Variants in DMD observed in about 807,000 individuals in gnomAD.
DMD encodes mutant dystrophin.
In DMD, 63 loss-of-function variants were observed where a neutral mutation model predicts 330.1. The observed-to-expected ratio is 0.19, with a 90% CI of 0.16 to 0.24. The LOEUF is 0.24. DMD is among the 10% of genes least tolerant of loss of function. The pLI is 1.00. For synonymous variants in DMD, 1,223 were observed against 959.8 expected, an observed-to-expected ratio of 1.27 and a Z score of -5.07; for missense variants, 3,344 against 2,684.1, an observed-to-expected ratio of 1.25 and a Z score of -5.43.
intron 11 of DMD, among the ~76,000 whole-genome samples, chrX:32,638,463 A>G (rs1267727478): frequency 2.7e-5 from 3 of 112,097 alleles, no homozygotes; most frequent in Non-Finnish European, 3.8e-5. Flanking sequence ...ATCACCTGGG[A>G]TATTGCTAAA....
intron 1 of DMD, among the ~76,000 whole-genome samples, chrX:33,184,438 A>G (rs1042298911): frequency 2.7e-5 from 3 of 111,256 alleles, no homozygotes; most frequent in African/African-American, 9.8e-5. Flanking sequence ...ATTAATAGGG[A>G]ATCTAGGTCA....
upstream of DMD, chrX:33,211,682 C>T: frequency 2.1e-6 from 1 of 482,631 alleles, no homozygotes; most frequent in Non-Finnish European, 2.8e-6. Flanking sequence ...GGTTGTGCTT[C>T]CAGCATGGCA....
At chrX:32,186,860 G>A (rs2096950060) in intron 44 of DMD, among the ~76,000 whole-genome samples, 1 of 110,828 alleles carries the variant, frequency 9.0e-6, no homozygotes, top group African/African-American at 3.3e-5. Flanking sequence ...GAGTAAAGAA[G>A]ATTCATTGTA....
At chrX:32,551,539 T>C (rs2049559344) in intron 16 of DMD, among the ~76,000 whole-genome samples, 1 of 111,880 alleles carries the variant, frequency 8.9e-6, no homozygotes, top group Non-Finnish European at 1.9e-5. Flanking sequence ...TTATACTGAA[T>C]GTGCAAAAGC....
chrX:32,735,370 C>G (rs1332370195), intron 7 of DMD, among the ~76,000 whole-genome samples: 5 of 110,661 alleles, frequency 4.5e-5, no homozygotes, highest in Non-Finnish European at 9.4e-5. Context: ...AATGTCATCC[C>G]CATCAAGCTA....
chrX:31,679,891 A>G (rs2082282261), intron 52 of DMD, among the ~76,000 whole-genome samples: 1 of 111,984 alleles, frequency 8.9e-6, no homozygotes, highest in African/African-American at 3.2e-5. Flanking sequence ...CAGAATATCC[A>G]TATCCCCTCA....
At chrX:32,285,357 A>G (rs753654071) in intron 43 of DMD, among the ~76,000 whole-genome samples, 1 of 112,291 alleles carries the variant, frequency 8.9e-6, no homozygotes, top group East Asian at 2.8e-4. Context: ...AGAGCCTCAT[A>G]ATGTCTCAAT....
chrX:31,694,950 T>C lies in DMD; in HGVS notation c.7661-15364A>G, dbSNP rs1178172838. The stretch of plus-strand genomic sequence containing the variant: ...ACTCAAAAGAAAAGGAGGGAGTGTA[T>C]TGAAGAGCTATCTGCACTCTCACAT... On this transcript the variant is annotated intron_variant, in intron 52 of 78. Coordinates refer to ENST00000357033, the MANE Select transcript of DMD (RefSeq NM_004006.3). Among the ~76,000 whole-genome samples the C allele has an allele frequency of 5.4e-5, 6 of 110,282 alleles. No individual in the cohort carries two copies. The East Asian group carries it at 1.1e-3, about 21-fold the overall frequency.
chrX:32,904,732 C>T (rs906819610), intron 2 of DMD, among the ~76,000 whole-genome samples: 7 of 111,549 alleles, frequency 6.3e-5, no homozygotes, highest in East Asian at 5.7e-4. Flanking sequence ...CACCACCACA[C>T]GCCCGGCTAA....
intron 1 of DMD, among the ~76,000 whole-genome samples, chrX:33,063,868 T>C (rs1270597904): frequency 2.7e-5 from 3 of 111,988 alleles, no homozygotes; most frequent in Non-Finnish European, 5.6e-5. Flanking sequence ...TTCAACTTCA[T>C]GTACTCTCAT....
chrX:32,630,882 C>A, intron 11 of DMD, among the ~76,000 whole-genome samples: 2 of 111,613 alleles, frequency 1.8e-5, no homozygotes, highest in African/African-American at 6.5e-5. Flanking sequence ...TTGATGCTTC[C>A]GGATGTTCAT....
At chrX:32,741,901 T>A (rs1171310851) in intron 7 of DMD, among the ~76,000 whole-genome samples, 1 of 112,044 alleles carries the variant, frequency 8.9e-6, no homozygotes, top group Non-Finnish European at 1.9e-5. Flanking sequence ...TGAAGCCGCT[T>A]GATGTTTATG....
rs770119472 is a variant in DMD, at chrX:32,483,820, CA to C, written c.2803+1098del. 9.7e-4 allele frequency among the ~76,000 whole-genome samples: 36 copies of C among 37,254 alleles called. No individual in the cohort carries two copies. In the East Asian group the frequency reaches 0.01, roughly 11 times the overall value. 32.4% of individuals were successfully genotyped at this position (37,254 alleles called of 115,157 possible). ...CCTTAGCAAAAACGACTCTGAAGTACAAAAAAAAAAAAAAAAAAAAAAAGTA... is the reference window on the plus strand; with the variant it reads ...CCTTAGCAAAAACGACTCTGAAGTACAAAAAAAAAAAAAAAAAAAAAAGTA... On this transcript the variant is annotated intron_variant, in intron 21 of 78. Coordinates refer to ENST00000357033, the MANE Select transcript of DMD (RefSeq NM_004006.3).
At chrX:31,228,276 A>AAAAAAAAAAAAAAAAAAAAAAT (rs2046861743) in intron 63 of DMD, among the ~76,000 whole-genome samples, 1 of 28,958 alleles carries the variant, frequency 3.5e-5, no homozygotes, top group Non-Finnish European at 5.6e-5. Context: ...ATAAAAAAAT[A>AAAAAAAAAAAAAAAAAAAAAAT]AAAAAAAAAA....
intron 30 of DMD, among the ~76,000 whole-genome samples, chrX:32,401,020 T>C (rs2098082707): frequency 9.0e-6 from 1 of 110,730 alleles, no homozygotes; most frequent in Non-Finnish European, 1.9e-5. Flanking sequence ...GATGAGTTCA[T>C]GTCCTTTGTA....
intron 55 of DMD, among the ~76,000 whole-genome samples, chrX:31,542,325 G>T (rs961023946): frequency 6.3e-5 from 7 of 111,846 alleles, no homozygotes; most frequent in Non-Finnish European, 9.4e-5. Flanking sequence ...AAGACGGAAT[G>T]GCATGTACGA....
intron 1 of DMD, among the ~76,000 whole-genome samples, chrX:33,268,834 T>C (rs1247244288): frequency 9.9e-6 from 1 of 101,447 alleles, no homozygotes; most frequent in Non-Finnish European, 2.0e-5. Context: ...GGCTGCAGCA[T>C]GAGAATCATT....
At chrX:32,360,651 A>G (rs1436219419) in intron 37 of DMD, among the ~76,000 whole-genome samples, 1 of 108,337 alleles carries the variant, frequency 9.2e-6, no homozygotes, top group African/African-American at 3.4e-5. Flanking sequence ...GCCAGGTGTC[A>G]CGGCGCCCGC....
At chrX:31,179,924 T>C (rs17338367) in intron 69 of DMD, among the ~76,000 whole-genome samples, 2,364 of 111,387 alleles carry the variant, frequency 0.021, 97 homozygotes, top group Admixed American at 0.12. Context: ...GCATATAAAA[T>C]GGATTTTTAA....
Sources: gnomAD v4.1 joint callset for allele counts (sites outside exome capture counted in the v4.1 genomes callset) on GRCh38, gnomAD v4.1.1 for gene constraint, MANE v1.5 for transcripts, NCBI Gene and HGNC (gene_info 2026-07-23, HGNC 2026-07-21) for gene names.